Variants in ERCC6L2 observed in about 807,000 individuals in gnomAD.
The protein encoded by ERCC6L2 is ERCC excision repair 6 like 2.
A neutral mutation model predicts 132.0 loss-of-function variants in ERCC6L2; 77 were observed. That is an observed-to-expected ratio of 0.58 (90% CI 0.49 to 0.71). ERCC6L2 has a LOEUF of 0.71. ERCC6L2 is among the 30% of genes least tolerant of loss of function. The pLI is 0.00. For missense variants in ERCC6L2, 1,542 were observed against 1,837.6 expected, an observed-to-expected ratio of 0.84 and a Z score of 2.94; for synonymous variants, 583 against 632.4, an observed-to-expected ratio of 0.92 and a Z score of 1.17.
At chr9:95,881,552 T>C (rs1827594741) in intron 2 of ERCC6L2, among the ~76,000 whole-genome samples, 1 of 152,226 alleles carries the variant, frequency 6.6e-6, no homozygotes, top group African/African-American at 2.4e-5. Flanking sequence ...TTACCTTTGG[T>C]AATACTGGTA....
intron 17 of ERCC6L2, among the ~76,000 whole-genome samples, chr9:95,980,506 ACAG>A (rs1293052158): frequency 1.3e-5 from 2 of 152,202 alleles, no homozygotes; most frequent in African/African-American, 4.8e-5. Context: ...AGTAATTGAT[ACAG>A]CAAAATTTCA....
intron 13 of ERCC6L2, among the ~76,000 whole-genome samples, chr9:95,959,630 A>T (rs1298718295): frequency 6.6e-6 from 1 of 152,058 alleles, no homozygotes; most frequent in Non-Finnish European, 1.5e-5. Context: ...CAACCTACTC[A>T]TCTGACAAAG....
intron 6 of ERCC6L2, among the ~76,000 whole-genome samples, chr9:95,920,095 TG>T (rs1276050925): frequency 6.6e-6 from 1 of 152,248 alleles, no homozygotes; most frequent in African/African-American, 2.4e-5. Context: ...GAAGAAGGAC[TG>T]GCACCATATA....
At chr9:95,881,412 T>C in intron 2 of ERCC6L2, 119 bp downstream of exon 2, 1 of 740,910 alleles carries the variant, frequency 1.3e-6, no homozygotes, top group Non-Finnish European at 2.0e-6. Flanking sequence ...TGTGTATGTT[T>C]GTGTTTGTCT....
Position 95,941,544 on chromosome 9 carries a change from T to C in ERCC6L2, c.1842T>C (p.Ile614=). ...ATCCAGCCAATGATCTTCAAGCCAT[T>C]GACAGGTATAATACTGACAAAATTT... ...TWNPANDLQA[I]DRAYRIGQCR... The change falls in exon 12 of 19, where the codon ATT becomes ATC. Residue 614 remains isoleucine (I), a synonymous_variant. Coordinates refer to ENST00000653738, the MANE Select transcript of ERCC6L2 (RefSeq NM_020207.7). 6.2e-7 allele frequency: 1 copy of C among 1,609,500 alleles called. No individual in the cohort carries two copies. Among genetic ancestry groups the C allele is most frequent in the Non-Finnish European group, 8.5e-7 (1 of 1,176,064 alleles).
At chr9:95,970,781 AAGTC>A in intron 15 of ERCC6L2, 125 bp downstream of exon 15, 9 of 500,238 alleles carry the variant, frequency 1.8e-5, no homozygotes, top group Non-Finnish European at 2.8e-5. Flanking sequence ...CAAGGACACA[AAGTC>A]AGAGGACTAT....
chr9:95,930,023 A>G (rs948207967), intron 11 of ERCC6L2, among the ~76,000 whole-genome samples: 1 of 152,174 alleles, frequency 6.6e-6, no homozygotes, highest in Non-Finnish European at 1.5e-5. Context: ...AATTTTAATC[A>G]TACTTCGAAA....
At chr9:95,897,711 C>A in intron 2 of ERCC6L2, 138 bp from the exon 3 acceptor site, 2 of 854,538 alleles carry the variant, frequency 2.3e-6, no homozygotes, top group East Asian at 2.7e-5. Flanking sequence ...AAAATCAGTA[C>A]TAATATTTCA....
At chr9:95,883,014 A>T (rs952885354) in intron 2 of ERCC6L2, among the ~76,000 whole-genome samples, 3 of 152,164 alleles carry the variant, frequency 2.0e-5, no homozygotes, top group African/African-American at 7.2e-5. Flanking sequence ...TTGTTTTTGG[A>T]TAAACATAGA....
chr9:95,988,306 GAAGATAATACCCCTTTAGTATAACT>G (rs1168422561), intron 17 of ERCC6L2, among the ~76,000 whole-genome samples: 5 of 152,324 alleles, frequency 3.3e-5, no homozygotes, highest in Admixed American at 2.6e-4. Flanking sequence ...ATTATCTGAT[GAAGATAATACCCCTTTAGTATAACT>G]AGGATCTGTT....
chr9:95,910,134 T>G (rs1249674199), intron 4 of ERCC6L2, among the ~76,000 whole-genome samples: 1 of 152,214 alleles, frequency 6.6e-6, no homozygotes, highest in Non-Finnish European at 1.5e-5. Flanking sequence ...GCTGATTTCC[T>G]TTTCGATTGG....
chr9:96,019,711 A>T (rs1285503421), downstream of ERCC6L2: 7 of 152,238 alleles, frequency 4.6e-5, no homozygotes, highest in Admixed American at 4.6e-4. Flanking sequence ...GCTATGAAGA[A>T]ATACCCGAGA....
chr9:96,001,684 G>A (rs1833685889), intron 17 of ERCC6L2, among the ~76,000 whole-genome samples: 1 of 152,280 alleles, frequency 6.6e-6, no homozygotes, highest in Non-Finnish European at 1.5e-5. Context: ...GGGGCTGCAG[G>A]TGGAGCTGCC....
intron 11 of ERCC6L2, among the ~76,000 whole-genome samples, chr9:95,929,449 G>A (rs2132797520): frequency 6.6e-6 from 1 of 152,262 alleles, no homozygotes; most frequent in Non-Finnish European, 1.5e-5. Flanking sequence ...CCCATTTTAG[G>A]AAGGAACAGA....
chr9:95,876,125 A>T, intron 1 of ERCC6L2, 41 bp downstream of exon 1: 1 of 1,529,094 alleles, frequency 6.5e-7, no homozygotes, highest in South Asian at 1.2e-5. Context: ...AGGCCTGTGT[A>T]CTGCGTCGCG....
intron 6 of ERCC6L2, among the ~76,000 whole-genome samples, chr9:95,917,027 A>T (rs1453875681): frequency 1.3e-5 from 2 of 152,106 alleles, no homozygotes; most frequent in Admixed American, 6.5e-5. Flanking sequence ...TAAAGAAGGA[A>T]GAGCTTCTCT....
intron 17 of ERCC6L2, among the ~76,000 whole-genome samples, chr9:95,987,084 C>T (rs1473867057): frequency 6.6e-6 from 1 of 152,238 alleles, no homozygotes; most frequent in Non-Finnish European, 1.5e-5. Context: ...CCCTGTGATT[C>T]AATTATCTCC....
At chr9:95,876,235 A>T (rs1827259715) in intron 1 of ERCC6L2, 151 bp downstream of exon 1, 1 of 646,084 alleles carries the variant, frequency 1.5e-6, no homozygotes, top group South Asian at 2.3e-5. Flanking sequence ...GCCTGGAACC[A>T]AATCTCCGAT....
At chr9:95,903,981 A>G (rs1828907053) in intron 3 of ERCC6L2, among the ~76,000 whole-genome samples, 1 of 152,120 alleles carries the variant, frequency 6.6e-6, no homozygotes, top group South Asian at 2.1e-4. Flanking sequence ...TTTTTATACA[A>G]AGGACTTGGA....
Sources: allele counts gnomAD v4.1 joint callset (sites outside exome capture counted in the v4.1 genomes callset), GRCh38; gene constraint gnomAD v4.1.1; transcripts MANE v1.5; gene names NCBI Gene and HGNC (gene_info 2026-07-23, HGNC 2026-07-21).